Variants in PRKG1 observed in about 807,000 individuals in gnomAD.
The protein encoded by PRKG1 is protein kinase cGMP-dependent 1, also known as cGMP-dependent protein kinase 1.
Under a neutral mutation model 88.1 loss-of-function variants are expected in PRKG1, and 35 were observed. The observed-to-expected ratio is 0.40, with a 90% CI of 0.30 to 0.53. PRKG1 has a LOEUF of 0.53. Among genes scored for constraint, PRKG1 ranks in the 20% least tolerant of loss-of-function variants. The pLI is 0.59. For synonymous variants in PRKG1, 303 were observed against 292.5 expected (o/e 1.04, Z -0.37); for missense variants, 540 against 839.8 (o/e 0.64, Z 4.41).
chr10:51,800,341 A>G (rs1471897852), intron 3 of PRKG1, among the ~76,000 whole-genome samples: 1 of 152,208 alleles, frequency 6.6e-6, no homozygotes, highest in East Asian at 1.9e-4. Context: ...TTATATCCTA[A>G]TAAACCCGCA....
chr10:51,281,822 T>G (rs1040392367), intron 2 of PRKG1, among the ~76,000 whole-genome samples: 2 of 152,180 alleles, frequency 1.3e-5, no homozygotes, highest in African/African-American at 4.8e-5. Flanking sequence ...AAACTAAACT[T>G]GGGCTTTCTC....
intron 1 of PRKG1, among the ~76,000 whole-genome samples, chr10:51,016,683 T>TTTTTTTTTTTTTTTTTG (rs1843069672): frequency 8.8e-6 from 1 of 113,006 alleles, no homozygotes; most frequent in Admixed American, 9.2e-5. Flanking sequence ...CTTTTTTTTT[T>TTTTTTTTTTTTTTTTTG]TTTTTTTTTG....
chr10:51,491,194 G>A (rs773587705), intron 3 of PRKG1, among the ~76,000 whole-genome samples: 3 of 152,204 alleles, frequency 2.0e-5, no homozygotes, highest in Middle Eastern at 3.4e-3. Context: ...GATTTGGAGT[G>A]AGGTTGATTT....
intron 2 of PRKG1, among the ~76,000 whole-genome samples, chr10:51,366,620 T>C (rs1273538988): frequency 1.3e-5 from 2 of 151,972 alleles, no homozygotes; most frequent in African/African-American, 4.8e-5. Context: ...TTAAACAAAC[T>C]GGAGGTCCTT....
chr10:51,497,361 T>C (rs1315497655), intron 3 of PRKG1, among the ~76,000 whole-genome samples: 2 of 152,122 alleles, frequency 1.3e-5, no homozygotes, highest in Non-Finnish European at 2.9e-5. Context: ...GAGCACCTAT[T>C]ATGTTTCAAG....
intron 3 of PRKG1, among the ~76,000 whole-genome samples, chr10:51,728,544 G>A (rs1275894382): frequency 7.3e-6 from 1 of 136,988 alleles, no homozygotes; most frequent in Non-Finnish European, 1.5e-5. Flanking sequence ...CAGAAGCCAG[G>A]AAGAAATCTA....
chr10:52,052,226 C>T (rs1216088562), intron 5 of PRKG1, among the ~76,000 whole-genome samples: 1 of 151,906 alleles, frequency 6.6e-6, no homozygotes, highest in Non-Finnish European at 1.5e-5. Context: ...AGATTTTACC[C>T]TATTCATCTT....
intron 5 of PRKG1, among the ~76,000 whole-genome samples, chr10:52,016,807 T>C (rs1034752872): frequency 6.6e-6 from 1 of 152,054 alleles, no homozygotes; most frequent in Non-Finnish European, 1.5e-5. Context: ...TGCTATATAA[T>C]AAAAATTTTT....
intron 1 of PRKG1, among the ~76,000 whole-genome samples, chr10:51,044,187 T>C (rs1354591860): frequency 6.6e-6 from 1 of 152,164 alleles, no homozygotes; most frequent in African/African-American, 2.4e-5. Context: ...CATCTTTTTT[T>C]CCGTAGTTCT....
intron 3 of PRKG1, among the ~76,000 whole-genome samples, chr10:51,640,606 G>T (rs1255214950): frequency 6.6e-6 from 1 of 152,100 alleles, no homozygotes; most frequent in Non-Finnish European, 1.5e-5. Flanking sequence ...AGAGGGAGAA[G>T]ATGCTTCCAG....
At chr10:52,052,649 ACAAGACACAATGAGAGC>A (rs1315098486) in intron 5 of PRKG1, among the ~76,000 whole-genome samples, 1 of 152,118 alleles carries the variant, frequency 6.6e-6, no homozygotes, top group African/African-American at 2.4e-5. Flanking sequence ...ATGGTGGCAG[ACAAGACACAATGAGAGC>A]CAAGCCAAAG....
At chr10:51,393,179 C>G (rs1201142808) in intron 2 of PRKG1, among the ~76,000 whole-genome samples, 1 of 150,090 alleles carries the variant, frequency 6.7e-6, no homozygotes, top group Non-Finnish European at 1.5e-5. Flanking sequence ...ACCTCCCAGA[C>G]GGGGTCGCGG....
At chr10:51,019,621 C>T (rs1390095574) in intron 1 of PRKG1, among the ~76,000 whole-genome samples, 1 of 147,486 alleles carries the variant, frequency 6.8e-6, no homozygotes, top group African/African-American at 2.5e-5. Flanking sequence ...AAATAGGCAA[C>T]AAAAGAAAAA....
chr10:51,625,434 G>A (rs368074076), intron 3 of PRKG1, among the ~76,000 whole-genome samples: 3 of 152,258 alleles, frequency 2.0e-5, no homozygotes, highest in African/African-American at 7.2e-5. Flanking sequence ...CTGAGACTGT[G>A]CCTTTGCACT....
At chr10:51,278,038 C>T (rs559036544) in intron 2 of PRKG1, among the ~76,000 whole-genome samples, 358 of 152,244 alleles carry the variant, frequency 2.4e-3, no homozygotes, top group African/African-American at 7.8e-3. Flanking sequence ...TGCCAGTTTT[C>T]AAAGGGAATG....
chr10:52,164,104 A>G (rs377550124), intron 9 of PRKG1, among the ~76,000 whole-genome samples: 1 of 152,092 alleles, frequency 6.6e-6, no homozygotes, highest in East Asian at 1.9e-4. Context: ...TAATCCCAGC[A>G]CTTTGGGAGG....
intron 1 of PRKG1, among the ~76,000 whole-genome samples, chr10:51,091,103 C>A (rs1844387651): frequency 6.6e-6 from 1 of 152,060 alleles, no homozygotes; most frequent in Non-Finnish European, 1.5e-5. Flanking sequence ...TGGTCTTGGA[C>A]AAATTCTTGA....
In PRKG1 at chr10:51,627,919, TCCC is replaced by T. The variant is rs1564579507; in HGVS notation, c.592+160084_592+160086del. On this transcript the variant is annotated intron_variant, in intron 3 of 17. Transcript: ENST00000373980. ...CCTTCCTTCCCTTCCTTCCCTTCCT[TCCC>T]TTCCTTTCTTCCTTCCTTCCTTTCT... Among the ~76,000 whole-genome samples the T allele has an allele frequency of 1.3e-3, 106 of 82,036 alleles. 1 individual carries two copies. The highest frequency in any genetic ancestry group is 3.6e-3 in the African/African-American group (95 of 26,326). The allele number at this position is 82,036 out of a possible 152,430, so 53.8% of individuals were successfully genotyped here.
chr10:52,139,856 G>A (rs1875791), intron 8 of PRKG1, among the ~76,000 whole-genome samples: 36,533 of 151,770 alleles, frequency 0.24, 4,706 homozygotes, highest in African/African-American at 0.34. Context: ...CGGACAAGGG[G>A]TTGGCAAACT....
Sources: gnomAD v4.1 joint callset for allele counts (sites outside exome capture counted in the v4.1 genomes callset) on GRCh38, gnomAD v4.1.1 for gene constraint, MANE v1.5 for transcripts, NCBI Gene and HGNC (gene_info 2026-07-23, HGNC 2026-07-21) for gene names.